The following AKAP9 variants were observed in gnomAD, a reference collection of about 807,000 sequenced individuals.
AKAP9 encodes A-kinase anchoring protein 9, also known as A-kinase anchor protein 9.
A neutral mutation model predicts 488.5 loss-of-function variants in AKAP9; 311 were observed. That is an observed-to-expected ratio of 0.64 (90% CI 0.58 to 0.70). The LOEUF (loss-of-function observed/expected upper bound fraction) is 0.70. Among genes scored for constraint, AKAP9 ranks in the 30% least tolerant of loss-of-function variants. The pLI, the probability that AKAP9 is intolerant of heterozygous loss-of-function variation, is 0.00. For synonymous variants in AKAP9, 1,462 were observed against 1,483.5 expected, an observed-to-expected ratio of 0.99 and a Z score of 0.33; for missense variants, 4,215 against 4,374.5, an observed-to-expected ratio of 0.96 and a Z score of 1.03.
chr7:92,069,894 A>G, intron 26 of AKAP9, 136 bp from the exon 27 acceptor site: 1 of 766,212 alleles, frequency 1.3e-6, no homozygotes, highest in Non-Finnish European at 2.0e-6. Flanking sequence ...TCCATTTCTT[A>G]AACAGACAAA....
chr7:91,960,177 C>G (rs1584583766), intron 1 of AKAP9, among the ~76,000 whole-genome samples: 1 of 152,274 alleles, frequency 6.6e-6, no homozygotes, highest in East Asian at 1.9e-4. Flanking sequence ...CTATTTACTG[C>G]TATTTTTGAA....
rs1584393396 is a variant in AKAP9 at position 92,065,178 on chromosome 7, T to A, written c.5978-53T>A. ...GACATAGTTATCAGGGATTTCATTATCATAAGATCATTAATTGTGATTTAA... is the reference window on the plus strand; with the variant it reads ...GACATAGTTATCAGGGATTTCATTAACATAAGATCATTAATTGTGATTTAA... On this transcript the variant is annotated intron_variant, in intron 24 of 49. Coordinates refer to ENST00000356239, the MANE Select transcript of AKAP9 (RefSeq NM_005751.5). 3 of 1,237,192 alleles carry A rather than the reference T, an allele frequency of 2.4e-6. No individual in the cohort carries two copies. The African/African-American group carries it at 4.6e-5, about 19-fold the overall frequency. The allele number at this position is 1,237,192 out of a possible 1,614,324, so 76.6% of individuals were successfully genotyped here. A position where few individuals can be genotyped will look rare whatever the true frequency, so the allele number is the denominator to read the frequency against.
At chr7:92,077,560 T>C in intron 29 of AKAP9, 136 bp from the exon 30 acceptor site, 1 of 768,616 alleles carries the variant, frequency 1.3e-6, no homozygotes, top group South Asian at 1.6e-5. Flanking sequence ...ATTTTAGAAT[T>C]ATTGATTTAC....
At chr7:92,007,184 G>A (rs902327445) in intron 8 of AKAP9, among the ~76,000 whole-genome samples, 6 of 147,748 alleles carry the variant, frequency 4.1e-5, no homozygotes. Flanking sequence ...CCATTGCAAA[G>A]ACAAAAAGAT....
At chr7:91,989,476 T>C (rs529990838) in intron 3 of AKAP9, among the ~76,000 whole-genome samples, 182 of 152,218 alleles carry the variant, frequency 1.2e-3, no homozygotes, top group African/African-American at 4.1e-3. Flanking sequence ...GAATTGTTTT[T>C]GATACCCTTT....
At chr7:92,022,142 A>T in intron 12 of AKAP9, 96 bp from the exon 13 acceptor site, 1 of 995,000 alleles carries the variant, frequency 1.0e-6, no homozygotes, top group Non-Finnish European at 1.6e-6. Flanking sequence ...GGGTGGTTTT[A>T]AAAAAGCATC....
At chr7:91,990,506 T>A (rs897601025) in intron 3 of AKAP9, among the ~76,000 whole-genome samples, 3 of 152,128 alleles carry the variant, frequency 2.0e-5, no homozygotes, top group Admixed American at 2.0e-4. Context: ...TTTACATTTA[T>A]TATAACATAA....
rs1157603798 is a variant in AKAP9 at position 92,002,159 on chromosome 7, T to C, written c.2242T>C (p.Leu748=). 1 of 1,592,662 alleles carries C rather than the reference T, an allele frequency of 6.3e-7. No individual in the cohort carries two copies. Among genetic ancestry groups the C allele is most frequent in the Non-Finnish European group, 8.5e-7 (1 of 1,173,900 alleles). Residue 748 remains leucine (L), a synonymous_variant, in exon 8 of 50, where the codon TTA becomes CTA. Coordinates refer to ENST00000356239, the MANE Select transcript of AKAP9 (RefSeq NM_005751.5). ...KGTLEQEVQE[L]QLKTELLEKQ... ...TACACTTGAACAAGAAGTTCAAGAATTACAACTTAAAACAGAATTGTTAGA... is the reference window on the plus strand; with the variant it reads ...TACACTTGAACAAGAAGTTCAAGAACTACAACTTAAAACAGAATTGTTAGA...
In AKAP9 at chr7:92,110,146, G is replaced by A; in HGVS notation, c.11711G>A (p.Gly3904Asp). 4 of 1,602,120 alleles carry A rather than the reference G, an allele frequency of 2.5e-6. No homozygotes were observed. Among genetic ancestry groups the A allele is most frequent in the Non-Finnish European group, 2.6e-6 (3 of 1,172,132 alleles). Residue 3904 changes from glycine to aspartate, a missense_variant, in exon 50 of 50, where the codon GGC becomes GAC. Gly to Asp is a moderately conservative substitution (Grantham distance 94). This residue lies in a region of AKAP9 where 253 missense variants were observed against 266.8 expected (regional missense o/e 0.95). Transcript: ENST00000356239. ...GGTTCAACTACTCAATTTCATGCTG[G>A]CATGAGAAGATAATCCTTTGAAACA... is the stretch of plus-strand genomic sequence containing the variant. The part of the protein sequence containing the change: ...QSGSTTQFHA[G>D]MRR
At chr7:92,058,316 G>T in intron 22 of AKAP9, 1 of 579,418 alleles carries the variant, frequency 1.7e-6, no homozygotes, top group Non-Finnish European at 3.5e-6. Flanking sequence ...AAATAACTCA[G>T]TAATTGTTAA....
chr7:92,039,007 G>A (rs1023294075), intron 17 of AKAP9, among the ~76,000 whole-genome samples: 2 of 152,112 alleles, frequency 1.3e-5, no homozygotes, highest in Non-Finnish European at 2.9e-5. Context: ...CCAGGTTCAG[G>A]CGATTCTCCT....
chr7:92,087,503 A>G (rs1490407119), intron 37 of AKAP9, among the ~76,000 whole-genome samples: 1 of 152,192 alleles, frequency 6.6e-6, no homozygotes, highest in Non-Finnish European at 1.5e-5. Context: ...CTCTTTCAGT[A>G]AGAAATAGAA....
At chr7:92,080,459 G>A (rs1220371638) in intron 31 of AKAP9, among the ~76,000 whole-genome samples, 3 of 151,960 alleles carry the variant, frequency 2.0e-5, no homozygotes, top group Non-Finnish European at 2.9e-5. Context: ...TTATCCGGGC[G>A]TGGTGGTGGG....
At chr7:91,956,608 C>T (rs1793051565) in intron 1 of AKAP9, among the ~76,000 whole-genome samples, 1 of 152,030 alleles carries the variant, frequency 6.6e-6, no homozygotes, top group Admixed American at 6.6e-5. Context: ...TGTACTTCAG[C>T]GCTTTTTTCT....
At chr7:92,084,023 G>T (rs899483635) in intron 33 of AKAP9, among the ~76,000 whole-genome samples, 1 of 152,112 alleles carries the variant, frequency 6.6e-6, no homozygotes, top group Admixed American at 6.6e-5. Flanking sequence ...TCCCCTCCCT[G>T]TGTCCATGTG....
chr7:91,988,239 C>T (rs1310731279), intron 3 of AKAP9, among the ~76,000 whole-genome samples: 3 of 142,950 alleles, frequency 2.1e-5, no homozygotes, highest in African/African-American at 7.9e-5. Flanking sequence ...AACTTGAGCC[C>T]AGGAGTATGA....
intron 8 of AKAP9, among the ~76,000 whole-genome samples, chr7:92,008,414 G>A (rs758908810): frequency 3.3e-5 from 5 of 152,064 alleles, no homozygotes; most frequent in African/African-American, 1.2e-4. Flanking sequence ...GCCAGCGGGC[G>A]TGGTGGCTCA....
intron 38 of AKAP9, chr7:92,090,519 A>G (rs1021672638): frequency 1.3e-5 from 2 of 152,078 alleles, no homozygotes; most frequent in Non-Finnish European, 2.9e-5. Flanking sequence ...GCCACTCAGG[A>G]GACTGAAGCA....
intron 31 of AKAP9, 113 bp from the exon 32 acceptor site, chr7:92,082,409 T>TTA: frequency 8.6e-7 from 1 of 1,162,430 alleles, no homozygotes; most frequent in Non-Finnish European, 1.2e-6. Flanking sequence ...TTCCAACTCC[T>TTA]TATATCTGTA....
Sources: allele counts gnomAD v4.1 joint callset (sites outside exome capture counted in the v4.1 genomes callset), GRCh38; gene constraint gnomAD v4.1.1; regional missense constraint gnomAD v4.1.1; transcripts MANE v1.5; gene names NCBI Gene and HGNC (gene_info 2026-07-23, HGNC 2026-07-21).